The following TBCK variants were observed in gnomAD, a reference collection of about 807,000 sequenced individuals.
The protein encoded by TBCK is TBC domain-containing protein kinase-like protein.
A neutral mutation model predicts 113.4 loss-of-function variants in TBCK; 99 were observed. The ratio of observed to expected loss-of-function variants is 0.87; its 90% CI spans 0.74 to 1.03. The LOEUF is 1.03. Among genes scored for constraint, TBCK ranks in the 50% least tolerant of loss-of-function variants. TBCK has a pLI of 0.00. For synonymous variants in TBCK, 369 were observed against 370.8 expected, an observed-to-expected ratio of 1.00 and a Z score of 0.05; for missense variants, 1,045 against 1,061.3, an observed-to-expected ratio of 0.98 and a Z score of 0.21.
intron 22 of TBCK, among the ~76,000 whole-genome samples, chr4:106,192,588 G>C (rs1403294109): frequency 1.3e-5 from 2 of 151,888 alleles, no homozygotes; most frequent in Non-Finnish European, 2.9e-5. Flanking sequence ...TTGAGGGAAG[G>C]GGGAATAAAA....
chr4:106,221,852 T>C (rs56198900), intron 19 of TBCK, among the ~76,000 whole-genome samples: 1,715 of 152,214 alleles, frequency 0.011, 32 homozygotes, highest in African/African-American at 0.039. Context: ...ATTGAAAACC[T>C]ACCTGTCTGG....
chr4:106,042,545 G>C lies in TBCK; in HGVS notation c.*4025C>G, dbSNP rs1236128574. The C allele has an allele frequency of 6.6e-6, 1 of 151,546 alleles. No homozygotes were observed. Among genetic ancestry groups the C allele is most frequent in the African/African-American group, 2.4e-5 (1 of 41,258 alleles). The allele number at this position is 151,546 out of a possible 1,614,324, so 9.4% of individuals were successfully genotyped here. A position where few individuals can be genotyped will look rare whatever the true frequency, so the allele number is the denominator to read the frequency against. ...TGGCTAATTTTTTGTATTTTTAGTA[G>C]AGATGGGGTTTCACCGTGTTAGCCA... On this transcript the variant is annotated 3_prime_UTR_variant, in exon 26 of 26. Transcript: ENST00000394708.
At chr4:106,260,646 C>A in intron 4 of TBCK, 136 bp from the exon 5 acceptor site, 2 of 366,318 alleles carry the variant, frequency 5.5e-6, no homozygotes, top group Non-Finnish European at 4.9e-6. Context: ...CAAAATGCCA[C>A]TGTAGATTTT....
At chr4:106,222,631 T>C (rs950885594) in intron 19 of TBCK, among the ~76,000 whole-genome samples, 22 of 152,264 alleles carry the variant, frequency 1.4e-4, no homozygotes, top group African/African-American at 5.3e-4. Context: ...ATCAGACTAC[T>C]AGTCTATCAT....
At chr4:106,055,075 A>G (rs1735232370) in intron 25 of TBCK, among the ~76,000 whole-genome samples, 2 of 151,704 alleles carry the variant, frequency 1.3e-5, no homozygotes. Flanking sequence ...CAATATCCTC[A>G]CTTCATTTCC....
intron 2 of TBCK, among the ~76,000 whole-genome samples, chr4:106,300,697 G>A (rs1451002595): frequency 6.6e-5 from 10 of 152,124 alleles, no homozygotes; most frequent in Non-Finnish European, 1.5e-4. Context: ...TCTAGATGTT[G>A]CTGTGAAATT....
chr4:106,260,764 A>C (rs1762433209), intron 4 of TBCK, among the ~76,000 whole-genome samples: 1 of 151,892 alleles, frequency 6.6e-6, no homozygotes, highest in Admixed American at 6.6e-5. Flanking sequence ...GACAAATGAC[A>C]TTTTTCTTTA....
At chr4:106,285,715 T>C (rs933282861) in intron 3 of TBCK, among the ~76,000 whole-genome samples, 2 of 152,188 alleles carry the variant, frequency 1.3e-5, no homozygotes, top group African/African-American at 2.4e-5. Flanking sequence ...GCAACAGTTA[T>C]AGACAAAGGA....
At chr4:106,217,912 T>A (rs1193930853) in intron 19 of TBCK, among the ~76,000 whole-genome samples, 2 of 144,672 alleles carry the variant, frequency 1.4e-5, no homozygotes, top group African/African-American at 5.0e-5. Context: ...CATCGCCAAG[T>A]CAATCCTAAG....
chr4:106,111,861 C>T (rs1170644998), intron 24 of TBCK, among the ~76,000 whole-genome samples: 1 of 152,184 alleles, frequency 6.6e-6, no homozygotes, highest in East Asian at 1.9e-4. Flanking sequence ...GTAATATTAA[C>T]TGGATTTGCC....
At chr4:106,255,869 A>G (rs115073644) in intron 5 of TBCK, among the ~76,000 whole-genome samples, 391 of 152,296 alleles carry the variant, frequency 2.6e-3, no homozygotes, top group South Asian at 0.017. Context: ...ACACCTAAAG[A>G]GACCCACAGT....
chr4:106,106,028 C>T (rs767475585), intron 24 of TBCK, among the ~76,000 whole-genome samples: 8 of 151,616 alleles, frequency 5.3e-5, no homozygotes, highest in South Asian at 2.1e-4. Flanking sequence ...TAAACCAAGC[C>T]GATGAAAGAA....
intron 20 of TBCK, among the ~76,000 whole-genome samples, chr4:106,202,518 A>G (rs1358208360): frequency 6.6e-6 from 1 of 152,086 alleles, no homozygotes; most frequent in African/African-American, 2.4e-5. Context: ...TTCATTGAAC[A>G]CAGCTAAAGA....
intron 19 of TBCK, among the ~76,000 whole-genome samples, chr4:106,215,925 A>C (rs1339324920): frequency 6.7e-6 from 1 of 150,232 alleles, no homozygotes; most frequent in Non-Finnish European, 1.5e-5. Flanking sequence ...TTTTTTCAGC[A>C]CCACACCACA....
intron 19 of TBCK, chr4:106,213,334 A>G (rs1756392370): frequency 6.5e-6 from 1 of 153,338 alleles, no homozygotes; most frequent in Admixed American, 6.5e-5. Context: ...GCAATTTGGC[A>G]TATTTAGAAA....
At chr4:106,166,635 G>T (rs1750402021) in intron 23 of TBCK, among the ~76,000 whole-genome samples, 1 of 151,518 alleles carries the variant, frequency 6.6e-6, no homozygotes, top group African/African-American at 2.4e-5. Flanking sequence ...AAAAGCAAAA[G>T]AAAATTATAG....
At chr4:106,154,224 T>C (rs1006205529) in intron 23 of TBCK, among the ~76,000 whole-genome samples, 1 of 152,128 alleles carries the variant, frequency 6.6e-6, no homozygotes, top group Non-Finnish European at 1.5e-5. Flanking sequence ...GTATCTGTGG[T>C]GTGTTTTTTG....
intron 3 of TBCK, among the ~76,000 whole-genome samples, chr4:106,280,939 TG>T (rs1463345403): frequency 6.6e-6 from 1 of 152,140 alleles, no homozygotes; most frequent in East Asian, 1.9e-4. Flanking sequence ...GTTTTAGGAT[TG>T]TTTTTTCTAT....
intron 5 of TBCK, among the ~76,000 whole-genome samples, chr4:106,258,043 G>C (rs991374183): frequency 2.0e-5 from 3 of 152,014 alleles, no homozygotes; most frequent in Admixed American, 2.0e-4. Context: ...TGACAGGACA[G>C]AGATAAACTT....
Sources: allele counts gnomAD v4.1 joint callset (sites outside exome capture counted in the v4.1 genomes callset), GRCh38; gene constraint gnomAD v4.1.1; transcripts MANE v1.5; gene names NCBI Gene and HGNC (gene_info 2026-07-23, HGNC 2026-07-21).